AZIN2: variants seen among roughly 807,000 people sequenced by gnomAD.
AZIN2 encodes the protein antizyme inhibitor 2, also known as ODC antizyme inhibitor-2.
In AZIN2, 28 loss-of-function variants were observed where a neutral mutation model predicts 47.8. The observed-to-expected ratio is 0.59, with a 90% confidence interval of 0.43 to 0.80. The LOEUF is 0.80. Among genes scored for constraint, AZIN2 ranks in the 30% least tolerant of loss-of-function variants. AZIN2 has a pLI of 0.00. For synonymous variants in AZIN2, 221 were observed against 239.4 expected, an observed-to-expected ratio of 0.92 and a Z score of 0.71; for missense variants, 535 against 582.5, an observed-to-expected ratio of 0.92 and a Z score of 0.84.
At chr1:33,136,275 TTCTCTCTTCCTTTCC>T in the AZIN2 span, among the ~76,000 whole-genome samples, 1 of 151,268 alleles carries the variant, frequency 6.6e-6, no homozygotes, top group East Asian at 1.9e-4. Context: ...CTCTCTTTCT[TTCTCTCTTCCTTTCC>T]TTTCTTTCTT....
In AZIN2 at chr1:33,083,806, T is replaced by C. The variant is rs1048045759; in HGVS notation, c.106-148T>C. 6 of 870,070 alleles carry C rather than the reference T, an allele frequency of 6.9e-6. No individual in the cohort carries two copies. The African/African-American group carries it at 9.9e-5, about 14-fold the overall frequency. The allele number at this position is 870,070 out of a possible 1,614,324, so 53.9% of individuals were successfully genotyped here. ...GCTGAGGAGTTTGCCTTCTGCCCTG[T>C]AGGCTTGGGGAGGCCCAGAAAACTT... On this transcript the variant is annotated intron_variant, in intron 4 of 11. Transcript: ENST00000294517.
the AZIN2 span, chr1:33,166,119 C>T: frequency 6.6e-6 from 1 of 152,360 alleles, no homozygotes; most frequent in African/African-American, 2.4e-5. Flanking sequence ...TTGCCTGCTC[C>T]TTATGAGAAT....
chr1:33,135,553 C>T, the AZIN2 span, among the ~76,000 whole-genome samples: 8 of 152,172 alleles, frequency 5.3e-5, no homozygotes, highest in Non-Finnish European at 1.0e-4. Flanking sequence ...GGATGGCCCA[C>T]AGCCCATTGC....
At chr1:33,148,918 C>T in the AZIN2 span, among the ~76,000 whole-genome samples, 2 of 152,174 alleles carry the variant, frequency 1.3e-5, no homozygotes, top group Non-Finnish European at 2.9e-5. Flanking sequence ...CCAGGACTAA[C>T]CAAGGTCGTC....
rs138368675 is a variant in AZIN2 at position 33,094,599 on chromosome 1, C to T, written c.639C>T (p.Ile213=). 3.3e-5 allele frequency: 53 copies of T among 1,614,034 alleles called. No individual in the cohort carries two copies. The African/African-American group carries it at 3.9e-4, about 12-fold the overall frequency. ...CPDPQAYAQS[I]ADARLVFEMG... ...ACCCTCAGGCCTATGCTCAGTCCAT[C>T]GCAGACGCCCGGCTCGTGTTTGAAA... The change falls in exon 8 of 12, where the codon ATC becomes ATT. Residue 213 remains isoleucine, a synonymous_variant. Coordinates refer to ENST00000294517, the MANE Select transcript of AZIN2 (RefSeq NM_052998.4).
intron 5 of AZIN2, among the ~76,000 whole-genome samples, chr1:33,086,890 T>G (rs1223410667): frequency 1.3e-5 from 2 of 152,212 alleles, no homozygotes; most frequent in Non-Finnish European, 2.9e-5. Flanking sequence ...TTTTCTTTCC[T>G]TCAGTACTCC....
chr1:33,124,158 T>TC (rs1386241266), downstream of AZIN2, among the ~76,000 whole-genome samples: 4 of 152,012 alleles, frequency 2.6e-5, no homozygotes, highest in Non-Finnish European at 4.4e-5. The surrounding 1 kb of genome is among the most constrained non-coding windows in gnomAD (Gnocchi z 4.6). Context: ...AGGGCAAGAC[T>TC]CCATCTCAAA....
the AZIN2 span, chr1:33,158,152 C>T: frequency 9.4e-7 from 1 of 1,066,418 alleles, no homozygotes; most frequent in Non-Finnish European, 1.4e-6. Flanking sequence ...AGGCACTCTG[C>T]TCATTCACCC....
chr1:33,125,456 A>G (rs992053012), downstream of AZIN2, among the ~76,000 whole-genome samples: 4 of 152,118 alleles, frequency 2.6e-5, no homozygotes, highest in African/African-American at 9.7e-5. Flanking sequence ...TCTCACATTT[A>G]CTGACTTCTT....
At chr1:33,090,908 T>G (rs1274105508) in intron 5 of AZIN2, among the ~76,000 whole-genome samples, 1 of 152,228 alleles carries the variant, frequency 6.6e-6, no homozygotes, top group East Asian at 1.9e-4. Flanking sequence ...TCTCTGAGTT[T>G]GACATTTTTA....
rs1198011335 is a variant in AZIN2 at position 33,117,937 on chromosome 1, C to G, written c.1065C>G (p.Ser355Arg). The change falls in exon 11 of 12, where the codon AGC becomes AGG. Residue 355 changes from serine (S) to arginine (R), a missense_variant. Coordinates refer to ENST00000294517, the MANE Select transcript of AZIN2 (RefSeq NM_052998.4). ...PSTEQPLYSS[S>R]LWGPAVDGCD... ...CGGAGCAGCCCCTGTACAGCAGCAG[C>G]CTGTGGGGCCCGGCGGTTGATGGCT... is the stretch of plus-strand genomic sequence containing the variant. The G allele has an allele frequency of 6.2e-7, 1 of 1,613,786 alleles. No homozygotes were observed. The highest frequency in any genetic ancestry group is 1.7e-5 in the Admixed American group (1 of 59,930).
Position 33,081,554 on chromosome 1 carries a change from A to T in AZIN2, c.-285+46A>T, listed in dbSNP as rs1401525999. The T allele has an allele frequency of 6.4e-6, 1 of 156,416 alleles. No homozygotes were observed. The highest frequency in any genetic ancestry group is 6.2e-5 in the Admixed American group (1 of 16,212). The allele number at this position is 156,416 out of a possible 1,614,324, so 9.7% of individuals were successfully genotyped here. A position where few individuals can be genotyped will look rare whatever the true frequency, so the allele number is the denominator to read the frequency against. Reference sequence around the variant, plus strand: ...GGGGGACCTCAGCCCTGCACTCTGTAGGAGTCACTCGGACAGAAAAAACCT... The same window carrying T: ...GGGGGACCTCAGCCCTGCACTCTGTTGGAGTCACTCGGACAGAAAAAACCT... On this transcript the variant is annotated intron_variant, in intron 2 of 11. Transcript: ENST00000294517. This position sits in a 1 kb window ranked among gnomAD's most constrained non-coding sequence, Gnocchi z 4.2.
At chr1:33,094,791 C>T in intron 8 of AZIN2, 78 bp downstream of exon 8, 1 of 1,515,782 alleles carries the variant, frequency 6.6e-7, no homozygotes, top group Non-Finnish European at 9.1e-7. Flanking sequence ...CGGAGGGAGA[C>T]CACCGTGCGT....
intron 10 of AZIN2, among the ~76,000 whole-genome samples, chr1:33,109,158 T>G (rs1644165402): frequency 6.6e-6 from 1 of 152,234 alleles, no homozygotes; most frequent in Non-Finnish European, 1.5e-5. Flanking sequence ...TGGCGAAGTA[T>G]CTGTTAAAGT....
At chr1:33,133,916 C>G in the AZIN2 span, among the ~76,000 whole-genome samples, 1 of 152,226 alleles carries the variant, frequency 6.6e-6, no homozygotes, top group Admixed American at 6.5e-5. Flanking sequence ...AGATGTGATC[C>G]TAATACCACC....
intron 10 of AZIN2, among the ~76,000 whole-genome samples, chr1:33,103,885 C>CTT (rs890267074): frequency 5.6e-5 from 8 of 143,000 alleles, no homozygotes; most frequent in East Asian, 2.0e-4. Flanking sequence ...TTAAATAGAT[C>CTT]TTTTTTTTTT....
chr1:33,132,155 C>T, the AZIN2 span, among the ~76,000 whole-genome samples: 2 of 152,154 alleles, frequency 1.3e-5, no homozygotes, highest in South Asian at 2.1e-4. Flanking sequence ...CCAGCTGCTA[C>T]GGCTATGGGA....
chr1:33,162,563 C>T, the AZIN2 span, among the ~76,000 whole-genome samples: 196 of 152,318 alleles, frequency 1.3e-3, no homozygotes, highest in African/African-American at 4.0e-3. Flanking sequence ...GGCTGGCAAT[C>T]AGGAGTTGCT....
chr1:33,099,908 G>A (rs1643529751), intron 10 of AZIN2, among the ~76,000 whole-genome samples: 2 of 152,226 alleles, frequency 1.3e-5, no homozygotes, highest in South Asian at 4.1e-4. Context: ...ATTCAGCCTG[G>A]CTGGGGGTAT....
Sources: allele counts gnomAD v4.1 joint callset (sites outside exome capture counted in the v4.1 genomes callset), GRCh38; gene constraint gnomAD v4.1.1; non-coding constraint Gnocchi (gnomAD v3.1); transcripts MANE v1.5; gene names NCBI Gene and HGNC (gene_info 2026-07-23, HGNC 2026-07-21).